ARHGEF40: variants seen among roughly 807,000 people sequenced by gnomAD.
ARHGEF40 encodes Rho guanine nucleotide exchange factor (GEF) 40.
In ARHGEF40, 98 loss-of-function variants were observed where a neutral mutation model predicts 165.9. The ratio of observed to expected loss-of-function variants is 0.59; its 90% CI spans 0.50 to 0.70. The LOEUF is 0.70. Among genes scored for constraint, ARHGEF40 ranks in the 30% least tolerant of loss-of-function variants. The pLI is 0.00. For synonymous variants in ARHGEF40, 792 were observed against 814.3 expected (o/e 0.97, Z 0.47); for missense variants, 1,815 against 1,968.0 (o/e 0.92, Z 1.47).
rs781659883 is a variant in ARHGEF40, at chr14:21,080,685, G to A, written c.2399G>A (p.Gly800Glu). ...QQVLQWLSGP[G>E]EEQLASFAMP... ...GTGTTGCAGTGGCTCTCGGGCCCAG[G>A]GGAGGAGCAGCTGGCAAGCTTTGCT... The change falls in exon 12 of 24, where the codon GGG becomes GAG. Residue 800 changes from glycine to glutamate, a missense_variant. Transcript: ENST00000298694. 6.2e-7 allele frequency: 1 copy of A among 1,611,598 alleles called. No homozygotes were observed. Among genetic ancestry groups the A allele is most frequent in the Non-Finnish European group, 8.5e-7 (1 of 1,179,324 alleles).
Position 21,075,023 on chromosome 14 carries a change from T to C in ARHGEF40, c.1293T>C (p.Val431=). ...ACAAGCTTCCAGAATGCCACCTGGT[T>C]AAGGAGGAATATGAAGGCTCAGGGA... The part of the protein sequence containing the change: ...SEHKLPECHL[V]KEEYEGSGKP... The change falls in exon 3 of 24, where the codon GTT becomes GTC. Residue 431 remains valine, a synonymous_variant. Transcript: ENST00000298694. This position sits in a 1 kb window ranked among gnomAD's most constrained non-coding sequence, Gnocchi z 4.5. 1 of 1,613,500 alleles carries C rather than the reference T, an allele frequency of 6.2e-7. No individual in the cohort carries two copies. The highest frequency in any genetic ancestry group is 8.5e-7 in the Non-Finnish European group (1 of 1,179,932).
rs1376960611 is a variant in ARHGEF40 at position 21,078,905 on chromosome 14, TAC to T, written c.2271_2272del (p.Leu758ValfsTer72). On this transcript the variant is annotated frameshift_variant, in exon 11 of 24. Transcript: ENST00000298694. LOFTEE classifies it high-confidence loss of function. ...SSKLEGQGPA[T>X]LYQEVDEAIH... ...CAAGGCTGGAGGGCCAAGGCCCAGC[TAC>T]ACTGTATCAGGAAGTGGACGAGGCC... The T allele has an allele frequency of 6.2e-7, 1 of 1,613,880 alleles. No homozygotes were observed. The highest frequency in any genetic ancestry group is 8.5e-7 in the Non-Finnish European group (1 of 1,179,840).
At chr14:21,078,118 G>C in intron 8 of ARHGEF40, 59 bp from the exon 9 acceptor site, 1 of 1,503,956 alleles carries the variant, frequency 6.6e-7, no homozygotes, top group Non-Finnish European at 9.0e-7. Flanking sequence ...CCCAACCCTA[G>C]GGCTTAAGTT....
chr14:21,078,079 C>A, intron 8 of ARHGEF40, 98 bp from the exon 9 acceptor site: 1 of 1,061,672 alleles, frequency 9.4e-7, no homozygotes, highest in Non-Finnish European at 1.3e-6. Context: ...TCAGCATTGC[C>A]TCCATAAAAG....
At chr14:21,068,060 C>T (rs978523182), upstream of ARHGEF40, among the ~76,000 whole-genome samples, 2 of 10,592 alleles carry the variant, frequency 1.9e-4, 1 homozygote, top group African/African-American at 2.9e-4. Flanking sequence ...AGTGCAGTGG[C>T]GCGATCTCGG....
chr14:21,066,029 G>A (rs1304580402), upstream of ARHGEF40, among the ~76,000 whole-genome samples: 1 of 152,112 alleles, frequency 6.6e-6, no homozygotes, highest in Non-Finnish European at 1.5e-5. Flanking sequence ...CACCTGGGAG[G>A]TACAGGTTGC....
intron 11 of ARHGEF40, among the ~76,000 whole-genome samples, chr14:21,080,163 G>A (rs1209846285): frequency 1.3e-5 from 2 of 151,052 alleles, no homozygotes; most frequent in Non-Finnish European, 3.0e-5. Flanking sequence ...ACCAGCATGA[G>A]AGTTCATATA....
chr14:21,077,368 C>G (rs950374502), intron 8 of ARHGEF40, among the ~76,000 whole-genome samples: 7 of 147,916 alleles, frequency 4.7e-5, no homozygotes, highest in Non-Finnish European at 7.4e-5. Flanking sequence ...ATCCACCCGT[C>G]TCAGCCTCCC....
chr14:21,083,620 T>C (rs1163601563), intron 16 of ARHGEF40, among the ~76,000 whole-genome samples: 1 of 152,234 alleles, frequency 6.6e-6, no homozygotes, highest in Non-Finnish European at 1.5e-5. Context: ...TTGATTCTTC[T>C]TCCATTTCCC....
chr14:21,070,760 A>G lies in ARHGEF40; in HGVS notation c.3+361A>G. ...CTGGTCCGAGCTCCTTACCCGCGGG[A>G]GACCCCTGCGGGTTGGTCCTGCAGC... On this transcript the variant is annotated intron_variant, in intron 1 of 23. Coordinates refer to ENST00000298694, the MANE Select transcript of ARHGEF40 (RefSeq NM_018071.5). This position sits in a 1 kb window ranked among gnomAD's most constrained non-coding sequence, Gnocchi z 4.7. The G allele has an allele frequency of 6.7e-7, 1 of 1,492,554 alleles. No individual in the cohort carries two copies. The highest frequency in any genetic ancestry group is 1.2e-5 in the South Asian group (1 of 83,070). 92.5% of individuals were successfully genotyped at this position (1,492,554 alleles called of 1,614,324 possible). A position where few individuals can be genotyped will look rare whatever the true frequency, so the allele number is the denominator to read the frequency against.
upstream of ARHGEF40, among the ~76,000 whole-genome samples, chr14:21,068,081 G>A (rs1359925944): frequency 8.5e-5 from 2 of 23,600 alleles, 1 homozygote; most frequent in African/African-American, 1.7e-4. Context: ...CTCACTGCAA[G>A]CTCCGCCTCC....
At chr14:21,086,359 G>C (rs1566539256) in intron 19 of ARHGEF40, 3 of 155,044 alleles carry the variant, frequency 1.9e-5, no homozygotes, top group Admixed American at 1.9e-4. Flanking sequence ...CTGAGTGACA[G>C]AGCAAGACTC....
chr14:21,083,755 C>A, intron 16 of ARHGEF40, 80 bp from the exon 17 acceptor site: 2 of 1,350,218 alleles, frequency 1.5e-6, no homozygotes, highest in Non-Finnish European at 2.0e-6. Context: ...TAGGGTATCA[C>A]CCACCTACCC....
At chr14:21,070,132 G>C (rs2987851), upstream of ARHGEF40, 2 of 212,260 alleles carry the variant, frequency 9.4e-6, no homozygotes, top group African/African-American at 2.3e-5. The surrounding 1 kb of genome is among the most constrained non-coding windows in gnomAD (Gnocchi z 4.7). Flanking sequence ...GAACGGCAGA[G>C]ATCTCGGCGC....
chr14:21,082,616 G>A, intron 15 of ARHGEF40, 138 bp downstream of exon 15: 1 of 1,143,138 alleles, frequency 8.7e-7, no homozygotes, highest in Non-Finnish European at 1.2e-6. Context: ...CCTGTTCTGT[G>A]GGCACTTCTG....
Position 21,070,540 on chromosome 14 carries a change from C to G in ARHGEF40, c.3+141C>G, listed in dbSNP as rs925611167. 27 of 1,084,174 alleles carry G rather than the reference C, an allele frequency of 2.5e-5. No homozygotes were observed. The highest frequency in any genetic ancestry group is 3.1e-5 in the Non-Finnish European group (25 of 795,452). The allele number at this position is 1,084,174 out of a possible 1,614,324, so 67.2% of individuals were successfully genotyped here. On this transcript the variant is annotated intron_variant, in intron 1 of 23. Transcript: ENST00000298694. The surrounding 1 kb of genome is among the most constrained non-coding windows in gnomAD (Gnocchi z 4.7). ...GGGACTCTCCTCCCTCCCATCCCCC[C>G]TTCTTCGATTTGTCTGTCTGCCCGA...
At chr14:21,087,695 G>T (rs966567026) in intron 21 of ARHGEF40, 1 of 710,098 alleles carries the variant, frequency 1.4e-6, no homozygotes, top group Non-Finnish European at 2.3e-6. Flanking sequence ...CTCTTCTTGG[G>T]TTTCTATGGA....
chr14:21,068,818 C>T (rs536532980), upstream of ARHGEF40, among the ~76,000 whole-genome samples: 4 of 152,228 alleles, frequency 2.6e-5, no homozygotes, highest in Non-Finnish European at 4.4e-5. Context: ...CTTCTTGCCT[C>T]TAAGAAGGAT....
chr14:21,067,574 T>C (rs563308318), upstream of ARHGEF40, among the ~76,000 whole-genome samples: 7 of 152,326 alleles, frequency 4.6e-5, no homozygotes, highest in African/African-American at 1.4e-4. Flanking sequence ...ATTTCTTCTG[T>C]AAAACAGGAG....
Sources: allele counts gnomAD v4.1 joint callset (sites outside exome capture counted in the v4.1 genomes callset), GRCh38; gene constraint gnomAD v4.1.1; non-coding constraint Gnocchi (gnomAD v3.1); transcripts MANE v1.5; gene names NCBI Gene and HGNC (gene_info 2026-07-23, HGNC 2026-07-21).